NAALADL2: variants seen among roughly 807,000 people sequenced by gnomAD.
The protein encoded by NAALADL2 is inactive N-acetylated-alpha-linked acidic dipeptidase-like protein 2.
Under a neutral mutation model 87.2 loss-of-function variants are expected in NAALADL2, and 76 were observed. The ratio of observed to expected loss-of-function variants is 0.87; its 90% confidence interval spans 0.72 to 1.05. The LOEUF is 1.05. NAALADL2 is among the 50% of genes least tolerant of loss of function. The pLI is 0.00. For synonymous variants in NAALADL2, 354 were observed against 331.0 expected (o/e 1.07, Z -0.75); for missense variants, 1,089 against 945.8 (o/e 1.15, Z -1.99).
chr3:175,104,105 T>C (rs1392993102), intron 2 of NAALADL2, among the ~76,000 whole-genome samples: 2 of 152,120 alleles, frequency 1.3e-5, no homozygotes, highest in Non-Finnish European at 2.9e-5. Context: ...ATTTTTTTAA[T>C]CTCTCCCTTT....
chr3:175,064,667 C>A (rs1238165231), intron 1 of NAALADL2, among the ~76,000 whole-genome samples: 1 of 152,132 alleles, frequency 6.6e-6, no homozygotes, highest in Non-Finnish European at 1.5e-5. Context: ...CAACTCTTGG[C>A]CCTCATTGGC....
rs184032316 is a variant in NAALADL2 at position 175,256,702 on chromosome 3, T to G, written c.939+172T>G. 6 of 465,558 alleles carry G rather than the reference T, an allele frequency of 1.3e-5. No homozygotes were observed. In the East Asian group the frequency reaches 2.2e-4, roughly 17 times the overall value. 28.8% of individuals were successfully genotyped at this position (465,558 alleles called of 1,614,324 possible). ...GTCACAGAAAGATGGCTTTTCCACA[T>G]TAGAACATTTTAATTTAAGATATTT... On this transcript the variant is annotated intron_variant, in intron 4 of 13. Transcript: ENST00000454872.
intron 11 of NAALADL2, among the ~76,000 whole-genome samples, chr3:175,660,962 G>A (rs573493242): frequency 1.3e-5 from 2 of 152,014 alleles, no homozygotes; most frequent in Admixed American, 6.6e-5. Context: ...TAAACATGAC[G>A]GTGCAGATAT....
chr3:175,764,678 T>C (rs1583156657), intron 13 of NAALADL2, among the ~76,000 whole-genome samples: 1 of 152,256 alleles, frequency 6.6e-6, no homozygotes. Context: ...AAAACTTTGC[T>C]TTTGAAAGAT....
intron 3 of NAALADL2, among the ~76,000 whole-genome samples, chr3:174,778,784 C>T (rs1715561626): frequency 6.6e-6 from 1 of 152,134 alleles, no homozygotes; most frequent in South Asian, 2.1e-4. Flanking sequence ...CAGCTTCACC[C>T]ATGCCCCTGC....
intron 4 of NAALADL2, among the ~76,000 whole-genome samples, chr3:175,293,786 C>G (rs1431907811): frequency 6.6e-6 from 1 of 152,162 alleles, no homozygotes; most frequent in South Asian, 2.1e-4. Context: ...GTTTCCCAGG[C>G]TCTGGAAATA....
chr3:174,964,530 A>C (rs1335525962), intron 1 of NAALADL2, among the ~76,000 whole-genome samples: 2 of 152,138 alleles, frequency 1.3e-5, no homozygotes, highest in African/African-American at 4.8e-5. Flanking sequence ...GGACATTTCA[A>C]TATTTAGAGG....
At chr3:174,835,795 A>C in intron 3 of NAALADL2, among the ~76,000 whole-genome samples, 1 of 152,146 alleles carries the variant, frequency 6.6e-6, no homozygotes, top group East Asian at 1.9e-4. Flanking sequence ...AATCAAAACA[A>C]CCACGAGGTA....
chr3:174,767,462 A>T (rs1272010764), intron 3 of NAALADL2, among the ~76,000 whole-genome samples: 1 of 152,026 alleles, frequency 6.6e-6, no homozygotes, highest in Non-Finnish European at 1.5e-5. Context: ...TTCCGAGGAG[A>T]ATTTCTTATT....
chr3:175,017,085 TACA>T (rs1750919244), intron 1 of NAALADL2, among the ~76,000 whole-genome samples: 1 of 152,106 alleles, frequency 6.6e-6, no homozygotes, highest in Non-Finnish European at 1.5e-5. Context: ...GACAATGCAA[TACA>T]ACTAGTTACC....
chr3:175,588,093 A>AT (rs1288970467), intron 10 of NAALADL2, among the ~76,000 whole-genome samples: 4 of 152,042 alleles, frequency 2.6e-5, no homozygotes, highest in African/African-American at 9.7e-5. Context: ...GGGGTAAAAA[A>AT]AAAAAAAAAT....
chr3:174,811,867 G>T (rs1720250770), intron 3 of NAALADL2, among the ~76,000 whole-genome samples: 1 of 152,136 alleles, frequency 6.6e-6, no homozygotes, highest in African/African-American at 2.4e-5. Context: ...ATCATGGGGG[G>T]TGGATCCTTT....
chr3:175,745,455 C>T (rs943125732), intron 12 of NAALADL2, among the ~76,000 whole-genome samples: 6 of 152,100 alleles, frequency 3.9e-5, no homozygotes, highest in Non-Finnish European at 7.4e-5. Flanking sequence ...CATGAATGTT[C>T]AAGTTCTTCA....
intron 4 of NAALADL2, among the ~76,000 whole-genome samples, chr3:175,272,932 T>G (rs1753062448): frequency 6.6e-6 from 1 of 152,132 alleles, no homozygotes; most frequent in Non-Finnish European, 1.5e-5. Context: ...ATTATGGCAA[T>G]ATAGCAATAA....
At chr3:174,936,887 G>T (rs1304943913) in intron 1 of NAALADL2, among the ~76,000 whole-genome samples, 1 of 152,116 alleles carries the variant, frequency 6.6e-6, no homozygotes, top group African/African-American at 2.4e-5. Context: ...CGAGGGAAAT[G>T]GAAAGATTTG....
Position 175,388,444 on chromosome 3 carries a change from G to A in NAALADL2, c.1091-58785G>A, listed in dbSNP as rs535328926. 1.9e-4 allele frequency among the ~76,000 whole-genome samples: 29 copies of A among 152,136 alleles called. No homozygotes were observed. The East Asian group carries it at 5.6e-3, about 29-fold the overall frequency. ...TTTCAGTAAGTATACATTTCTCAAT[G>A]CCATAAAATACAAAAATCGATGTTG... On this transcript the variant is annotated intron_variant, in intron 5 of 13. Transcript: ENST00000454872.
At chr3:175,163,284 GC>G (rs2108856805) in intron 2 of NAALADL2, among the ~76,000 whole-genome samples, 1 of 152,100 alleles carries the variant, frequency 6.6e-6, no homozygotes, top group East Asian at 1.9e-4. Flanking sequence ...AATTATGTCT[GC>G]TTTTTTACAT....
chr3:174,969,653 C>T (rs767278384), intron 1 of NAALADL2, among the ~76,000 whole-genome samples: 20 of 152,074 alleles, frequency 1.3e-4, no homozygotes, highest in African/African-American at 4.6e-4. Flanking sequence ...CTTCAGGATA[C>T]GGAGGCCATG....
chr3:175,413,944 G>T (rs1714100428), intron 5 of NAALADL2, among the ~76,000 whole-genome samples: 1 of 152,192 alleles, frequency 6.6e-6, no homozygotes, highest in South Asian at 2.1e-4. Context: ...CTTCAGGCTT[G>T]AGAGTTGGGG....
Sources: allele counts gnomAD v4.1 joint callset (sites outside exome capture counted in the v4.1 genomes callset), GRCh38; gene constraint gnomAD v4.1.1; transcripts MANE v1.5; gene names NCBI Gene and HGNC (gene_info 2026-07-23, HGNC 2026-07-21).